Variants in TRAF7 observed in about 807,000 individuals in gnomAD.
TRAF7 encodes E3 ubiquitin-protein ligase TRAF7.
TRAF7 carries 45 observed loss-of-function variants against 89.3 expected under a neutral mutation model. The ratio of observed to expected loss-of-function variants is 0.50; its 90% CI spans 0.40 to 0.65. The LOEUF (loss-of-function observed/expected upper bound fraction) is 0.65, where lower values mean the gene tolerates loss of function less well. Among genes scored for constraint, TRAF7 ranks in the 30% least tolerant of loss-of-function variants. The probability of loss-of-function intolerance (pLI) is 0.00; values close to 1 mark genes in which losing one functional copy is unlikely to be tolerated. For missense variants in TRAF7, 677 were observed against 918.1 expected (o/e 0.74, Z 3.39); for synonymous variants, 406 against 369.2 (o/e 1.10, Z -1.14).
rs868582376 is a variant in TRAF7, at chr16:2,177,742, C to A, written c.*1168C>A. On this transcript the variant is annotated 3_prime_UTR_variant, in exon 21 of 21. Coordinates refer to ENST00000326181, the MANE Select transcript of TRAF7 (RefSeq NM_032271.3). ...CACACCCACATTCACCAAACCCACC[C>A]GCGCCCTGGGACGCAGCCACGCCAG... 4.1e-6 allele frequency: 1 copy of A among 245,048 alleles called. No individual in the cohort carries two copies. Among genetic ancestry groups the A allele is most frequent in the Non-Finnish European group, 8.0e-6 (1 of 124,590 alleles). 15.2% of individuals were successfully genotyped at this position (245,048 alleles called of 1,614,324 possible).
rs545050754 is a variant in TRAF7 at position 2,158,947 on chromosome 16, C to T, written c.-39+3089C>T. Among the ~76,000 whole-genome samples, 2 of 152,284 alleles carry T rather than the reference C, an allele frequency of 1.3e-5. No individual in the cohort carries two copies. The highest frequency in any genetic ancestry group is 4.8e-5 in the African/African-American group (2 of 41,546). The stretch of plus-strand genomic sequence containing the variant: ...CTCTCCCCACTCTGGATCCCAGCAG[C>T]CTCATCCTCCAGGAAGCCCTCTGGA... On this transcript the variant is annotated intron_variant, in intron 1 of 20. Transcript: ENST00000326181. This position sits in a 1 kb window ranked among gnomAD's most constrained non-coding sequence, Gnocchi z 4.7.
At chr16:2,164,920 C>G (rs1191111481) in intron 2 of TRAF7, among the ~76,000 whole-genome samples, 5 of 44,270 alleles carry the variant, frequency 1.1e-4, no homozygotes, top group East Asian at 8.9e-4. Flanking sequence ...GCTGCGTGGC[C>G]TGGCCTGGTC....
chr16:2,164,585 A>G (rs35816), intron 2 of TRAF7, among the ~76,000 whole-genome samples: 1,229 of 26,584 alleles, frequency 0.046, no homozygotes, highest in Middle Eastern at 0.071. Context: ...TGTTAGTGCT[A>G]CGTGGCGCGG....
rs2093096762 is a variant in TRAF7 at position 2,168,729 on chromosome 16, G to A, written c.231+561G>A. On this transcript the variant is annotated intron_variant, in intron 4 of 20. Transcript: ENST00000326181. This position sits in a 1 kb window ranked among gnomAD's most constrained non-coding sequence, Gnocchi z 4.1. Reference sequence around the variant, plus strand: ...AGGTGCAGAAAGGATCAGGGCAGTCGGGGGCTGGCTGCTGGTACCTGAGCC... The same window carrying A: ...AGGTGCAGAAAGGATCAGGGCAGTCAGGGGCTGGCTGCTGGTACCTGAGCC... Among the ~76,000 whole-genome samples the A allele has an allele frequency of 1.3e-5, 2 of 152,132 alleles. No individual in the cohort carries two copies. The highest frequency in any genetic ancestry group is 2.4e-5 in the African/African-American group (1 of 41,416).
chr16:2,172,751 A>T, intron 9 of TRAF7, 152 bp downstream of exon 9: 1 of 1,085,768 alleles, frequency 9.2e-7, no homozygotes, highest in South Asian at 1.6e-5. Flanking sequence ...AGGCCCTGGA[A>T]ACCCAGAGGG....
rs1339077182 is a variant in TRAF7 at position 2,176,368 on chromosome 16, T to TGGATAGCACTGTGAAGGTCA, written c.1984_1998+5dup. 1 of 1,607,342 alleles carries TGGATAGCACTGTGAAGGTCA rather than the reference T, an allele frequency of 6.2e-7. No individual in the cohort carries two copies. Among genetic ancestry groups the TGGATAGCACTGTGAAGGTCA allele is most frequent in the African/African-American group, 1.3e-5 (1 of 74,894 alleles). On this transcript the variant is annotated frameshift_variant, in exon 20 of 21. Transcript: ENST00000326181. LOFTEE classifies it high-confidence loss of function. ...CGGGGCCGACTCTTCTCAGGGGCTG[T>TGGATAGCACTGTGAAGGTCA]GGATAGCACTGTGAAGGTCAGTGCC...
In TRAF7 at chr16:2,173,855, T is replaced by C. The variant is rs1173375572; in HGVS notation, c.1135+19T>C. 6.2e-7 allele frequency: 1 copy of C among 1,610,256 alleles called. No homozygotes were observed. The highest frequency in any genetic ancestry group is 1.1e-5 in the South Asian group (1 of 91,002). ...CTAGGCTGTGAGTATGGACCCGCCG[T>C]GGCTCCCGCCCACCCTCCCCCCCGG... On this transcript the variant is annotated intron_variant, in intron 12 of 20. Coordinates refer to ENST00000326181, the MANE Select transcript of TRAF7 (RefSeq NM_032271.3).
rs1482917522 is a variant in TRAF7 at position 2,176,849 on chromosome 16, G to A, written c.*275G>A. ...CCTCCATCCCCACCCTAGATGGAGC[G>A]AGGGCCTTTTTACTCACCTTTTCTA... On this transcript the variant is annotated 3_prime_UTR_variant, in exon 21 of 21. Coordinates refer to ENST00000326181, the MANE Select transcript of TRAF7 (RefSeq NM_032271.3). 1.5e-5 allele frequency: 9 copies of A among 588,770 alleles called. No individual in the cohort carries two copies. The highest frequency in any genetic ancestry group is 8.5e-5 in the East Asian group (3 of 35,450). 36.5% of individuals were successfully genotyped at this position (588,770 alleles called of 1,614,324 possible).
chr16:2,170,270 G>A (rs943939978), intron 4 of TRAF7, among the ~76,000 whole-genome samples: 1 of 152,224 alleles, frequency 6.6e-6, no homozygotes, highest in African/African-American at 2.4e-5. Context: ...GGCTGGTGGA[G>A]GTGCCCCCTC....
In TRAF7 at chr16:2,168,115, C is replaced by T. The variant is rs1567249641; in HGVS notation, c.178C>T (p.Pro60Ser). ...CACCTACAAGCAGCACTGCAGGACACCCTCCTCCTCCAGCACCCTTGCCTA... is the reference window on the plus strand; with the variant it reads ...CACCTACAAGCAGCACTGCAGGACATCCTCCTCCTCCAGCACCCTTGCCTA... ...TSTYKQHCRT[P>S]SSSSTLAYSP... The change falls in exon 4 of 21, where the codon CCC (proline) becomes TCC (serine). Residue 60 changes from proline (P) to serine (S), a missense_variant. Pro to Ser is a moderately conservative substitution (Grantham distance 74). Around this residue, in one of 6 missense-constraint regions of TRAF7, gnomAD observed 240 missense variants for 191.9 expected, o/e 1.25. Coordinates refer to ENST00000326181, the MANE Select transcript of TRAF7 (RefSeq NM_032271.3). The surrounding 1 kb of genome is among the most constrained non-coding windows in gnomAD (Gnocchi z 4.1). The T allele has an allele frequency of 1.2e-6, 2 of 1,612,362 alleles. No individual in the cohort carries two copies. Among genetic ancestry groups the T allele is most frequent in the Non-Finnish European group, 1.7e-6 (2 of 1,179,912 alleles).
At chr16:2,175,736 G>A (rs2093132967) in intron 17 of TRAF7, 98 bp from the exon 18 acceptor site, 1 of 1,589,234 alleles carries the variant, frequency 6.3e-7, no homozygotes, top group African/African-American at 1.3e-5. Flanking sequence ...CCCTGGCTGG[G>A]TGGGTGGGCT....
intron 1 of TRAF7, 80 bp downstream of exon 1, chr16:2,155,938 T>TCGAGGCGAGGCGAGG (rs925149551): frequency 1.5e-5 from 2 of 132,184 alleles, no homozygotes; most frequent in Non-Finnish European, 3.2e-5. Context: ...CGCGTGGAGA[T>TCGAGGCGAGGCGAGG]CGAGGCGAGG....
intron 13 of TRAF7, 47 bp downstream of exon 13, chr16:2,174,095 ACTGCCACATGC>A: frequency 3.7e-6 from 6 of 1,608,550 alleles, no homozygotes; most frequent in Non-Finnish European, 5.1e-6. Flanking sequence ...TGGGCTGGGC[ACTGCCACATGC>A]CTGGCACTGC....
At chr16:2,157,397 T>C (rs1277390256) in intron 1 of TRAF7, among the ~76,000 whole-genome samples, 1 of 152,142 alleles carries the variant, frequency 6.6e-6, no homozygotes, top group African/African-American at 2.4e-5. Flanking sequence ...CGTGGCCCAC[T>C]GGGGCCAAGT....
chr16:2,164,755 CCT>C (rs1188710477), intron 2 of TRAF7, among the ~76,000 whole-genome samples: 3 of 117,026 alleles, frequency 2.6e-5, no homozygotes, highest in Admixed American at 8.3e-5. Context: ...TGCTGCGTGG[CCT>C]GGCCTGGTCG....
chr16:2,173,091 G>A, intron 9 of TRAF7, 91 bp from the exon 10 acceptor site: 2 of 1,250,524 alleles, frequency 1.6e-6, no homozygotes. Context: ...GGGTGCAGCG[G>A]CCACAGGGCT....
chr16:2,156,048 G>T (rs1051999371), intron 1 of TRAF7, among the ~76,000 whole-genome samples, 190 bp downstream of exon 1: 1 of 151,958 alleles, frequency 6.6e-6, no homozygotes. Flanking sequence ...CTGTCCGTCC[G>T]CCAGTCAGTA....
chr16:2,158,167 T>C lies in TRAF7; in HGVS notation c.-39+2309T>C, dbSNP rs2093043415. 6.6e-6 allele frequency among the ~76,000 whole-genome samples: 1 copy of C among 152,068 alleles called. No individual in the cohort carries two copies. The highest frequency in any genetic ancestry group is 2.1e-4 in the South Asian group (1 of 4,824). ...GGCATGTGGGGAGGGCCGAGAGCTG[T>C]TGGCTGCGTGTGTCTCAGTCCGGCC... On this transcript the variant is annotated intron_variant, in intron 1 of 20. Transcript: ENST00000326181. This position sits in a 1 kb window ranked among gnomAD's most constrained non-coding sequence, Gnocchi z 4.7.
chr16:2,167,358 A>G (rs1461617459), intron 3 of TRAF7, among the ~76,000 whole-genome samples: 3 of 152,182 alleles, frequency 2.0e-5, no homozygotes, highest in Non-Finnish European at 4.4e-5. Context: ...GCTCATCGTG[A>G]CATCTGAGCT....
Sources: gnomAD v4.1 joint callset for allele counts (sites outside exome capture counted in the v4.1 genomes callset) on GRCh38, gnomAD v4.1.1 for gene constraint, gnomAD v4.1.1 regional missense constraint, Gnocchi (gnomAD v3.1) non-coding constraint, MANE v1.5 for transcripts, NCBI Gene and HGNC (gene_info 2026-07-23, HGNC 2026-07-21) for gene names.